The following CCDC102B variants were observed in gnomAD, a reference collection of about 807,000 sequenced individuals.
CCDC102B encodes the protein coiled-coil domain-containing protein 102B.
CCDC102B carries 75 observed loss-of-function variants against 57.4 expected under a neutral mutation model. The observed-to-expected ratio is 1.31, with a 90% confidence interval of 1.08 to 1.58. The LOEUF (loss-of-function observed/expected upper bound fraction) is 1.58, where lower values mean the gene tolerates loss of function less well. Ranked by LOEUF, CCDC102B falls within the 40% of genes most tolerant of loss-of-function variation. The pLI, the probability that CCDC102B is intolerant of heterozygous loss-of-function variation, is 0.00. For missense variants in CCDC102B, 636 were observed against 582.6 expected (o/e 1.09, Z -0.94); for synonymous variants, 206 against 201.9 (o/e 1.02, Z -0.17).
At position 68,909,180 on chromosome 18, in the gene CCDC102B, AG is replaced by A. The variant is rs1375630978; in HGVS notation, c.1263+11755del. 1.2e-4 allele frequency among the ~76,000 whole-genome samples: 3 copies of A among 25,238 alleles called. 1 individual carries two copies. The Admixed American group carries it at 1.5e-3, about 12-fold the overall frequency. The allele number at this position is 25,238 out of a possible 152,430, so 16.6% of individuals were successfully genotyped here. On this transcript the variant is annotated intron_variant, in intron 6 of 7. Coordinates refer to ENST00000360242, the MANE Select transcript of CCDC102B (RefSeq NM_024781.3). ...AAGGAAAACAAGAAGGAAGGGAGGAAGGGAAAAAAAAAGCAAAGAAAGAAGA... is the reference window on the plus strand; with the variant it reads ...AAGGAAAACAAGAAGGAAGGGAGGAAGGAAAAAAAAAGCAAAGAAAGAAGA...
chr18:69,055,414 T>A (rs1411312256), downstream of CCDC102B, among the ~76,000 whole-genome samples: 1 of 152,110 alleles, frequency 6.6e-6, no homozygotes, highest in Non-Finnish European at 1.5e-5. Context: ...AACTTCCTTC[T>A]CTTTGCTTAA....
chr18:68,872,978 T>A (rs1296429656), intron 4 of CCDC102B, among the ~76,000 whole-genome samples: 2 of 152,182 alleles, frequency 1.3e-5, no homozygotes, highest in African/African-American at 4.8e-5. Context: ...GAAGGGTTTA[T>A]TATTGGATTT....
intron 2 of CCDC102B, chr18:68,754,303 C>T (rs1156229368): frequency 1.3e-5 from 2 of 152,144 alleles, no homozygotes; most frequent in African/African-American, 4.8e-5. Context: ...CACTGGAAAT[C>T]AGTCAGAGGT....
chr18:68,818,768 C>T (rs1179373730), intron 1 of CCDC102B, among the ~76,000 whole-genome samples: 1 of 152,028 alleles, frequency 6.6e-6, no homozygotes, highest in Non-Finnish European at 1.5e-5. Context: ...AGTTTATAGA[C>T]AAAGATACAT....
intron 6 of CCDC102B, among the ~76,000 whole-genome samples, chr18:68,968,920 T>A (rs1302757957): frequency 6.6e-6 from 1 of 152,196 alleles, no homozygotes; most frequent in African/African-American, 2.4e-5. Context: ...TGTATACATA[T>A]GTCAAAAATC....
intron 4 of CCDC102B, among the ~76,000 whole-genome samples, chr18:68,855,705 A>C (rs1247392657): frequency 6.6e-6 from 1 of 152,186 alleles, no homozygotes; most frequent in African/African-American, 2.4e-5. Flanking sequence ...ATTTCATAAA[A>C]ATGGAATTTT....
At chr18:69,051,995 T>G (rs2052718011) in intron 7 of CCDC102B, among the ~76,000 whole-genome samples, 1 of 151,496 alleles carries the variant, frequency 6.6e-6, no homozygotes, top group Non-Finnish European at 1.5e-5. Context: ...TAGGAGAAAA[T>G]ATTGATATAT....
intron 6 of CCDC102B, among the ~76,000 whole-genome samples, chr18:68,942,478 A>G (rs1049664643): frequency 4.0e-5 from 6 of 151,896 alleles, no homozygotes; most frequent in Admixed American, 6.6e-5. Context: ...CAGAGAGGGG[A>G]ATGTGGCAGG....
intron 3 of CCDC102B, among the ~76,000 whole-genome samples, chr18:68,839,969 A>G (rs939275757): frequency 2.0e-5 from 3 of 152,160 alleles, no homozygotes; most frequent in Non-Finnish European, 4.4e-5. Flanking sequence ...TCATTGTGGC[A>G]ACGATCTTTG....
At chr18:68,874,336 GA>G (rs1378634639) in intron 4 of CCDC102B, among the ~76,000 whole-genome samples, 3 of 151,820 alleles carry the variant, frequency 2.0e-5, no homozygotes, top group African/African-American at 7.3e-5. Context: ...TAATATTCAG[GA>G]TGAAAAGATA....
At chr18:68,809,073 T>A (rs1359859092) in intron 1 of CCDC102B, among the ~76,000 whole-genome samples, 1 of 152,186 alleles carries the variant, frequency 6.6e-6, no homozygotes, top group Non-Finnish European at 1.5e-5. Flanking sequence ...TCACTAATAA[T>A]TTTGTTTTCT....
intron 2 of CCDC102B, among the ~76,000 whole-genome samples, chr18:68,752,217 G>A (rs1168414543): frequency 2.0e-5 from 3 of 151,974 alleles, no homozygotes; most frequent in Non-Finnish European, 4.4e-5. Flanking sequence ...CCAAGATCGC[G>A]CCACTGCACT....
chr18:69,006,515 T>TGGGTTCAA (rs1306753123), intron 6 of CCDC102B, among the ~76,000 whole-genome samples: 1 of 151,496 alleles, frequency 6.6e-6, no homozygotes, highest in East Asian at 1.9e-4. Flanking sequence ...CTCCGCCTCC[T>TGGGTTCAA]GGGTTCAAGT....
chr18:68,738,993 C>CTTTTTTTTTTTTTTTTTTTTTTTTTTTTT lies in CCDC102B; in HGVS notation c.-67+22403_-67+22404insTTTTTTTTTTTTTTTTTTTTTTTTTTTTT, dbSNP rs201214278. Among the ~76,000 whole-genome samples the CTTTTTTTTTTTTTTTTTTTTTTTTTTTTT allele has an allele frequency of 3.7e-4, 54 of 144,994 alleles. 1 individual carries two copies. Among genetic ancestry groups the CTTTTTTTTTTTTTTTTTTTTTTTTTTTTT allele is most frequent in the South Asian group, 2.7e-3 (12 of 4,426 alleles). On this transcript the variant is annotated intron_variant, in intron 2 of 3. Transcript: ENST00000578970. ...GGCCATTGGACTGTAGATGAGCAGC[C>CTTTTTTTTTTTTTTTTTTTTTTTTTTTTT]TTTTGTTTTTTTTTTTTTTAGACCA...
At chr18:68,968,036 T>G (rs1246701685) in intron 6 of CCDC102B, among the ~76,000 whole-genome samples, 2 of 152,138 alleles carry the variant, frequency 1.3e-5, no homozygotes, top group Non-Finnish European at 2.9e-5. Context: ...CCAGTAATGA[T>G]GATGACAGTG....
At chr18:68,819,426 C>A (rs893709183) in intron 1 of CCDC102B, among the ~76,000 whole-genome samples, 1 of 151,966 alleles carries the variant, frequency 6.6e-6, no homozygotes, top group Admixed American at 6.6e-5. Flanking sequence ...AATTCTCTTT[C>A]ATTTGTCTAT....
intron 2 of CCDC102B, among the ~76,000 whole-genome samples, chr18:68,755,609 G>A (rs984218542): frequency 2.0e-5 from 3 of 152,060 alleles, no homozygotes; most frequent in Non-Finnish European, 4.4e-5. Flanking sequence ...AATGAAATAT[G>A]TAAAGCAAAA....
At chr18:68,878,461 G>A (rs1338715909) in intron 5 of CCDC102B, among the ~76,000 whole-genome samples, 1 of 152,186 alleles carries the variant, frequency 6.6e-6, no homozygotes, top group Non-Finnish European at 1.5e-5. Context: ...GAATGTGTGT[G>A]TGTTCCCCAA....
chr18:68,958,648 G>A (rs1430751452), intron 6 of CCDC102B, among the ~76,000 whole-genome samples: 1 of 151,908 alleles, frequency 6.6e-6, no homozygotes, highest in Non-Finnish European at 1.5e-5. Context: ...ACAGTTTTGA[G>A]GCTATTTTCT....
Sources: gnomAD v4.1 joint callset for allele counts (sites outside exome capture counted in the v4.1 genomes callset) on GRCh38, gnomAD v4.1.1 for gene constraint, MANE v1.5 for transcripts, NCBI Gene and HGNC (gene_info 2026-07-23, HGNC 2026-07-21) for gene names.